DNAJB4: variants seen among roughly 807,000 people sequenced by gnomAD.
DNAJB4 encodes dnaJ homolog subfamily B member 4.
Under a neutral mutation model 26.6 loss-of-function variants are expected in DNAJB4, and 10 were observed. The observed-to-expected ratio is 0.38, with a 90% CI of 0.23 to 0.64. DNAJB4 has a LOEUF of 0.64. DNAJB4 is among the 30% of genes least tolerant of loss of function. DNAJB4 has a pLI of 0.58. For synonymous variants in DNAJB4, 136 were observed against 134.8 expected, an observed-to-expected ratio of 1.01 and a Z score of -0.06; for missense variants, 328 against 408.2, an observed-to-expected ratio of 0.80 and a Z score of 1.69.
At chr1:78,012,639 G>A (rs1195798304) in intron 1 of DNAJB4, among the ~76,000 whole-genome samples, 13 of 151,848 alleles carry the variant, frequency 8.6e-5, no homozygotes, top group Admixed American at 7.9e-4. Flanking sequence ...AAGAAACCTC[G>A]TCTCTACTAA....
chr1:77,980,339 A>ATATATATATG (rs1477495217), intron 1 of DNAJB4: 64 of 126,130 alleles, frequency 5.1e-4, no homozygotes, highest in African/African-American at 2.3e-3. Context: ...ATATATATAT[A>ATATATATATG]TGTGTGTGTG....
chr1:78,004,603 T>C (rs1461114251), upstream of DNAJB4: 1 of 152,952 alleles, frequency 6.5e-6, no homozygotes, highest in African/African-American at 2.4e-5. Flanking sequence ...TTAACTTCTT[T>C]TAACATAGGG....
chr1:77,994,142 C>G (rs1660004861), intron 1 of DNAJB4, among the ~76,000 whole-genome samples: 1 of 152,086 alleles, frequency 6.6e-6, no homozygotes, highest in African/African-American at 2.4e-5. Flanking sequence ...TGGCTCACAC[C>G]TGTAATCCTA....
At chr1:77,985,395 A>T (rs1272120456) in intron 1 of DNAJB4, among the ~76,000 whole-genome samples, 2 of 152,130 alleles carry the variant, frequency 1.3e-5, no homozygotes, top group African/African-American at 4.8e-5. Context: ...TTCTCACTTC[A>T]TTTAAAAAAA....
In DNAJB4 at chr1:77,986,401, C is replaced by T. The variant is rs553817064; in HGVS notation, c.-32+6079C>T. On this transcript the variant is annotated intron_variant, in intron 1 of 2. Transcript: ENST00000426517. ...AAATCTTCAAGTCTGATATTCTCCT[C>T]AAGATGACCTCTTGTCAGTTTGTTT... Among the ~76,000 whole-genome samples the T allele has an allele frequency of 6.6e-5, 10 of 152,340 alleles. No individual in the cohort carries two copies. In the South Asian group the frequency reaches 2.1e-3, roughly 32 times the overall value.
At chr1:77,991,685 T>G (rs1055770396) in intron 1 of DNAJB4, among the ~76,000 whole-genome samples, 2 of 152,220 alleles carry the variant, frequency 1.3e-5, no homozygotes, top group South Asian at 4.1e-4. Context: ...CTTTTCATGG[T>G]CCATTTAGTG....
At chr1:78,006,447 T>C (rs1660332082) in intron 1 of DNAJB4, among the ~76,000 whole-genome samples, 1 of 152,218 alleles carries the variant, frequency 6.6e-6, no homozygotes, top group Non-Finnish European at 1.5e-5. Flanking sequence ...CTTTGATTCC[T>C]TTATTACATT....
intron 1 of DNAJB4, among the ~76,000 whole-genome samples, chr1:77,994,809 T>G (rs1415748104): frequency 1.3e-5 from 2 of 152,188 alleles, no homozygotes; most frequent in Admixed American, 1.3e-4. Flanking sequence ...GTGTAAAGTA[T>G]TATTTTGAAA....
At chr1:78,012,483 C>G (rs1465397298) in intron 1 of DNAJB4, among the ~76,000 whole-genome samples, 1 of 150,474 alleles carries the variant, frequency 6.6e-6, no homozygotes, top group Non-Finnish European at 1.5e-5. Flanking sequence ...TTCTTACTTA[C>G]CCGTGGAACA....
At chr1:77,997,242 T>C (rs966279345) in intron 1 of DNAJB4, among the ~76,000 whole-genome samples, 1 of 150,560 alleles carries the variant, frequency 6.6e-6, no homozygotes, top group African/African-American at 2.5e-5. Flanking sequence ...CACTGGGAGG[T>C]TGAGACGGGA....
intron 1 of DNAJB4, among the ~76,000 whole-genome samples, 191 bp from the exon 2 acceptor site, chr1:78,012,860 T>G (rs1195659862): frequency 6.6e-6 from 1 of 152,186 alleles, no homozygotes; most frequent in African/African-American, 2.4e-5. Context: ...ATTTGAAAAC[T>G]TAACAATTTA....
upstream of DNAJB4, among the ~76,000 whole-genome samples, chr1:78,001,052 G>A (rs1055214959): frequency 6.6e-6 from 1 of 151,730 alleles, no homozygotes; most frequent in African/African-American, 2.4e-5. Context: ...TTCCAGGATC[G>A]AAATTTCAAG....
chr1:77,986,315 T>G (rs919094187), intron 1 of DNAJB4, among the ~76,000 whole-genome samples: 1 of 152,130 alleles, frequency 6.6e-6, no homozygotes, highest in African/African-American at 2.4e-5. Flanking sequence ...GAAATGCAAT[T>G]TCCTCACTAC....
At chr1:77,999,618 A>C (rs142416925) in intron 1 of DNAJB4, among the ~76,000 whole-genome samples, 2,134 of 152,298 alleles carry the variant, frequency 0.014, 21 homozygotes, top group Middle Eastern at 0.041. Context: ...ATAAACATCC[A>C]AGTGGTAGCA....
At chr1:77,997,705 C>A (rs764997131) in intron 1 of DNAJB4, among the ~76,000 whole-genome samples, 4 of 152,164 alleles carry the variant, frequency 2.6e-5, no homozygotes, top group African/African-American at 4.8e-5. Context: ...ATCAGTCTTT[C>A]ATGACTTTGC....
chr1:77,994,610 T>C (rs1445272289), intron 1 of DNAJB4, among the ~76,000 whole-genome samples: 1 of 151,666 alleles, frequency 6.6e-6, no homozygotes, highest in Non-Finnish European at 1.5e-5. Flanking sequence ...ACTACTCTCA[T>C]TTTTCTAATG....
chr1:78,004,071 T>C (rs1571439222), upstream of DNAJB4, among the ~76,000 whole-genome samples: 1 of 152,326 alleles, frequency 6.6e-6, no homozygotes, highest in East Asian at 1.9e-4. Flanking sequence ...TTGATGCAGT[T>C]GCAGTTAAGT....
At chr1:77,991,204 G>T (rs1659923895) in intron 1 of DNAJB4, among the ~76,000 whole-genome samples, 1 of 152,066 alleles carries the variant, frequency 6.6e-6, no homozygotes, top group Admixed American at 6.6e-5. Context: ...TCCCTTCAAA[G>T]GTATTAACTT....
chr1:78,016,141 A>T lies in DNAJB4; in HGVS notation c.908A>T (p.Asn303Ile). ...GGATATGGGCTGCCATTTCCAAAAA[A>T]TCCTGACCAACGTGGTGACCTTCTA... ...IIGYGLPFPK[N>I]PDQRGDLLIE... Residue 303 changes from asparagine to isoleucine, a missense_variant, in exon 3 of 3, where the codon AAT becomes ATT. By Grantham distance (149) the Asn-to-Ile change is moderately radical. Coordinates refer to ENST00000370763, the MANE Select transcript of DNAJB4 (RefSeq NM_007034.5). 6.2e-7 allele frequency: 1 copy of T among 1,614,182 alleles called. No homozygotes were observed. Among genetic ancestry groups the T allele is most frequent in the Non-Finnish European group, 8.5e-7 (1 of 1,180,034 alleles).
Sources: gnomAD v4.1 joint callset for allele counts (sites outside exome capture counted in the v4.1 genomes callset) on GRCh38, gnomAD v4.1.1 for gene constraint, MANE v1.5 for transcripts, NCBI Gene and HGNC (gene_info 2026-07-23, HGNC 2026-07-21) for gene names.